LIN52: variants seen among roughly 807,000 people sequenced by gnomAD.
The protein encoded by LIN52 is protein lin-52 homolog.
In LIN52, 4 loss-of-function variants were observed where a neutral mutation model predicts 18.5. The ratio of observed to expected loss-of-function variants is 0.22; its 90% CI spans 0.11 to 0.49. The LOEUF (loss-of-function observed/expected upper bound fraction) is 0.49. Ranked by LOEUF, LIN52 falls within the 20% of genes least tolerant of loss-of-function variation. LIN52 has a pLI of 0.97. For synonymous variants in LIN52, 34 were observed against 45.5 expected (o/e 0.75, Z 1.02); for missense variants, 102 against 139.5 (o/e 0.73, Z 1.35).
chr14:74,137,496 C>CTTTTTT lies in LIN52; in HGVS notation c.283+36259_283+36260insTTTTTT, dbSNP rs1409995305. ...GAGCACTAAATTCTTCACAGCAGCT[C>CTTTTTT]TCTTTTTTTTTTTTTTTTTTGAGAT... On this transcript the variant is annotated intron_variant, in intron 5 of 5. Coordinates refer to ENST00000555028, the MANE Select transcript of LIN52 (RefSeq NM_001024674.3). 8.1e-3 allele frequency among the ~76,000 whole-genome samples: 691 copies of CTTTTTT among 85,308 alleles called. 11 individuals are homozygous for CTTTTTT. The highest frequency in any genetic ancestry group is 0.033 in the African/African-American group (635 of 19,254). The allele number at this position is 85,308 out of a possible 152,430, so 56.0% of individuals were successfully genotyped here. A position where few individuals can be genotyped will look rare whatever the true frequency, so the allele number is the denominator to read the frequency against.
chr14:74,111,867 TTTTTTTTC>T (rs139884141), intron 5 of LIN52, among the ~76,000 whole-genome samples: 15,130 of 151,410 alleles, frequency 0.1, 807 homozygotes, highest in South Asian at 0.18. Flanking sequence ...CTTGTTGTGA[TTTTTTTTC>T]TTTTTTTCTT....
chr14:74,189,844 C>T (rs1482249069), intron 5 of LIN52, among the ~76,000 whole-genome samples: 1 of 152,060 alleles, frequency 6.6e-6, no homozygotes, highest in Non-Finnish European at 1.5e-5. Context: ...AATTATTTTC[C>T]ATATTGGAAC....
At chr14:74,102,639 G>T (rs1045280530) in intron 5 of LIN52, among the ~76,000 whole-genome samples, 6 of 151,776 alleles carry the variant, frequency 4.0e-5, no homozygotes, top group Admixed American at 1.3e-4. Context: ...CCTTGATTTT[G>T]TTTCTAGCTT....
At chr14:74,188,176 A>T (rs1472702305) in intron 5 of LIN52, among the ~76,000 whole-genome samples, 1 of 152,142 alleles carries the variant, frequency 6.6e-6, no homozygotes, top group African/African-American at 2.4e-5. Flanking sequence ...TAAAACCCAG[A>T]TTGTAATTTT....
chr14:74,131,663 T>C (rs2061068861), intron 5 of LIN52, among the ~76,000 whole-genome samples: 1 of 152,228 alleles, frequency 6.6e-6, no homozygotes, highest in Non-Finnish European at 1.5e-5. Context: ...TGAAAAATTA[T>C]GTTTCAGTAT....
chr14:74,157,641 T>G (rs1352565651), intron 5 of LIN52, among the ~76,000 whole-genome samples: 2 of 151,880 alleles, frequency 1.3e-5, no homozygotes, highest in Non-Finnish European at 2.9e-5. Flanking sequence ...TTTGATATTT[T>G]TTTTTTCTGT....
intron 3 of LIN52, among the ~76,000 whole-genome samples, chr14:74,097,552 C>T (rs1328652224): frequency 6.6e-6 from 1 of 151,730 alleles, no homozygotes; most frequent in African/African-American, 2.4e-5. Context: ...CGTGCCTCAC[C>T]CTCCCAAGTA....
chr14:74,097,707 A>G (rs979750591), intron 3 of LIN52, 87 bp from the exon 4 acceptor site: 11 of 988,958 alleles, frequency 1.1e-5, no homozygotes, highest in Non-Finnish European at 1.7e-5. Flanking sequence ...CAGCCACCGC[A>G]TCCGGCCCAG....
chr14:74,159,909 A>G (rs573065949), intron 5 of LIN52, among the ~76,000 whole-genome samples: 1 of 152,172 alleles, frequency 6.6e-6, no homozygotes, highest in Non-Finnish European at 1.5e-5. Flanking sequence ...CAAACCTACC[A>G]TACAGCAAGC....
chr14:74,151,428 A>G (rs2061176434), intron 5 of LIN52, among the ~76,000 whole-genome samples: 1 of 152,208 alleles, frequency 6.6e-6, no homozygotes. Context: ...GAAGATTGAG[A>G]TAATGACTAA....
chr14:74,120,391 G>A (rs981175757), intron 5 of LIN52, among the ~76,000 whole-genome samples: 3 of 151,708 alleles, frequency 2.0e-5, no homozygotes, highest in Admixed American at 1.3e-4. Flanking sequence ...GGCCAAGGCC[G>A]GTGGATCACC....
intron 5 of LIN52, among the ~76,000 whole-genome samples, chr14:74,182,405 G>A (rs539922521): frequency 7.3e-6 from 1 of 136,554 alleles, no homozygotes; most frequent in South Asian, 2.3e-4. Flanking sequence ...GAGAAAATAA[G>A]CCATATTTAT....
At chr14:74,107,458 C>T (rs1485730479) in intron 5 of LIN52, among the ~76,000 whole-genome samples, 1 of 152,154 alleles carries the variant, frequency 6.6e-6, no homozygotes, top group East Asian at 1.9e-4. Context: ...TCTCGGTAAG[C>T]TGTCCTTCTA....
At chr14:74,108,324 G>C (rs2060909178) in intron 5 of LIN52, among the ~76,000 whole-genome samples, 1 of 152,164 alleles carries the variant, frequency 6.6e-6, no homozygotes. Flanking sequence ...TAATGCTGCT[G>C]TGAACATTCA....
chr14:74,092,234 AGT>A (rs1311428467), intron 2 of LIN52, among the ~76,000 whole-genome samples: 2 of 150,876 alleles, frequency 1.3e-5, no homozygotes, highest in African/African-American at 4.9e-5. Flanking sequence ...AGCGTCCCAA[AGT>A]GCTGGGATTA....
intron 2 of LIN52, among the ~76,000 whole-genome samples, chr14:74,092,197 C>T (rs2060776833): frequency 6.6e-6 from 1 of 150,996 alleles, no homozygotes; most frequent in African/African-American, 2.4e-5. Flanking sequence ...GTCTCGAACT[C>T]CTGACCTCAG....
At chr14:74,180,470 C>G (rs2061313697) in intron 5 of LIN52, among the ~76,000 whole-genome samples, 1 of 151,708 alleles carries the variant, frequency 6.6e-6, no homozygotes, top group South Asian at 2.1e-4. Context: ...TGGGGTTTCA[C>G]CGTGGTCTCG....
At position 74,107,956 on chromosome 14, in the gene LIN52, C is replaced by T. The variant is rs373354303; in HGVS notation, c.283+6718C>T. 1.2e-4 allele frequency among the ~76,000 whole-genome samples: 18 copies of T among 152,194 alleles called. 1 individual carries two copies. The highest frequency in any genetic ancestry group is 3.9e-4 in the African/African-American group (16 of 41,506). On this transcript the variant is annotated intron_variant, in intron 5 of 5. Transcript: ENST00000555028. ...TTGTATATTCAGAATTTTGCAGTCA[C>T]CACCACAACCAATTTTACAACATTT...
At chr14:74,118,449 C>G (rs112606567) in intron 5 of LIN52, among the ~76,000 whole-genome samples, 2 of 152,076 alleles carry the variant, frequency 1.3e-5, no homozygotes, top group Admixed American at 1.3e-4. Context: ...ATTAACACTC[C>G]CCTGTAACCG....
Sources: allele counts gnomAD v4.1 joint callset (sites outside exome capture counted in the v4.1 genomes callset), GRCh38; gene constraint gnomAD v4.1.1; transcripts MANE v1.5; gene names NCBI Gene and HGNC (gene_info 2026-07-23, HGNC 2026-07-21).